HHIP: variants seen among roughly 807,000 people sequenced by gnomAD.
The protein encoded by HHIP is hedgehog-interacting protein.
In HHIP, 12 loss-of-function variants were observed where a neutral mutation model predicts 74.0. That is an observed-to-expected ratio of 0.16 (90% CI 0.10 to 0.26). The LOEUF is 0.26. HHIP is among the 10% of genes least tolerant of loss of function. The pLI is 1.00. For synonymous variants in HHIP, 309 were observed against 311.6 expected, an observed-to-expected ratio of 0.99 and a Z score of 0.09; for missense variants, 788 against 845.0, an observed-to-expected ratio of 0.93 and a Z score of 0.84.
intron 11 of HHIP, among the ~76,000 whole-genome samples, chr4:144,733,085 G>A (rs145288289): frequency 1.1e-3 from 162 of 152,264 alleles, no homozygotes; most frequent in African/African-American, 3.7e-3. Context: ...AGAAGAAGGC[G>A]AAGATTGTGT....
At chr4:144,658,514 G>T (rs113879181) in intron 2 of HHIP, among the ~76,000 whole-genome samples, 59 of 151,796 alleles carry the variant, frequency 3.9e-4, no homozygotes, top group African/African-American at 1.3e-3. Context: ...GATTATAGGC[G>T]CATGCCACCA....
intron 4 of HHIP, among the ~76,000 whole-genome samples, chr4:144,682,655 G>C (rs1729379169): frequency 6.6e-6 from 1 of 152,228 alleles, no homozygotes; most frequent in African/African-American, 2.4e-5. Context: ...TACTGCTATT[G>C]ACTATTAGTT....
chr4:144,728,939 C>A (rs776007701), intron 11 of HHIP, among the ~76,000 whole-genome samples: 1 of 151,792 alleles, frequency 6.6e-6, no homozygotes, highest in Non-Finnish European at 1.5e-5. Flanking sequence ...TGCGGTAAAT[C>A]CTTCAGAATA....
At chr4:144,650,342 G>A (rs947906055) in intron 1 of HHIP, among the ~76,000 whole-genome samples, 1 of 152,040 alleles carries the variant, frequency 6.6e-6, no homozygotes, top group Non-Finnish European at 1.5e-5. Flanking sequence ...ATAATGTTTC[G>A]AAGTTTTACG....
At chr4:144,658,514 G>A (rs113879181) in intron 2 of HHIP, among the ~76,000 whole-genome samples, 3,516 of 151,776 alleles carry the variant, frequency 0.023, 143 homozygotes, top group African/African-American at 0.079. Flanking sequence ...GATTATAGGC[G>A]CATGCCACCA....
At position 144,646,900 on chromosome 4, in the gene HHIP, G is replaced by T. The variant is rs201201764; in HGVS notation, c.225G>T (p.Arg75=). The change falls in exon 1 of 13, where the codon CGG becomes CGT. Residue 75 remains arginine (R), a synonymous_variant. Transcript: ENST00000296575. ...TGCTGTGCGGTGGCTTCTACCCTCGGCTGTCCTGCTGCCTGCGGAGTGACA... is the reference window on the plus strand; with the variant it reads ...TGCTGTGCGGTGGCTTCTACCCTCGTCTGTCCTGCTGCCTGCGGAGTGACA... ...GEMLCGGFYP[R]LSCCLRSDSP... 166 of 1,613,892 alleles carry T rather than the reference G, an allele frequency of 1.0e-4. No individual in the cohort carries two copies. In the South Asian group the frequency reaches 1.6e-3, roughly 15 times the overall value.
chr4:144,688,596 G>A (rs1212506397), intron 4 of HHIP, among the ~76,000 whole-genome samples: 2 of 152,128 alleles, frequency 1.3e-5, no homozygotes, highest in Non-Finnish European at 1.5e-5. Context: ...TTAAATAAAC[G>A]TGAGGTTCTT....
chr4:144,722,906 C>G (rs553178263), intron 11 of HHIP, among the ~76,000 whole-genome samples: 1 of 151,896 alleles, frequency 6.6e-6, no homozygotes, highest in South Asian at 2.1e-4. Flanking sequence ...ACCTTGGATG[C>G]TCTTTGCTAA....
chr4:144,699,355 T>C (rs1245523445), intron 4 of HHIP, among the ~76,000 whole-genome samples: 1 of 152,098 alleles, frequency 6.6e-6, no homozygotes, highest in Middle Eastern at 3.2e-3. Context: ...TAAAACAAGA[T>C]ATTGGAAGGG....
At chr4:144,680,368 A>G (rs1040649506) in intron 4 of HHIP, among the ~76,000 whole-genome samples, 1 of 152,186 alleles carries the variant, frequency 6.6e-6, no homozygotes, top group Non-Finnish European at 1.5e-5. Flanking sequence ...CATGCTGTTC[A>G]TTCTGCCATT....
intron 4 of HHIP, among the ~76,000 whole-genome samples, chr4:144,696,241 T>C (rs1729813903): frequency 1.3e-5 from 2 of 151,856 alleles, no homozygotes; most frequent in Admixed American, 1.3e-4. Context: ...AGTGAGTGTA[T>C]TTACACCACA....
intron 4 of HHIP, among the ~76,000 whole-genome samples, chr4:144,667,550 A>C (rs1728909911): frequency 6.6e-6 from 1 of 152,282 alleles, no homozygotes; most frequent in South Asian, 2.1e-4. Context: ...GAGAAAAACA[A>C]CACCTTTTGA....
At chr4:144,709,467 A>C (rs1185991048) in intron 7 of HHIP, among the ~76,000 whole-genome samples, 1 of 152,174 alleles carries the variant, frequency 6.6e-6, no homozygotes, top group Non-Finnish European at 1.5e-5. Context: ...AAAACATGGG[A>C]TGAGGTGCTT....
rs4030000 is a variant in HHIP, at chr4:144,712,885, G to GGT, written c.1423+836_1423+837dup. On this transcript the variant is annotated intron_variant, in intron 8 of 12. Transcript: ENST00000296575. ...ATTCAGTTATTTTACTTTTTTTTCA[G>GGT]GTGTGTGTGTGTGTGTGTGTGTGCA... is the stretch of plus-strand genomic sequence containing the variant. Among the ~76,000 whole-genome samples the GGT allele has an allele frequency of 7.6e-3, 1,089 of 143,918 alleles. 8 individuals are homozygous for GGT. The highest frequency in any genetic ancestry group is 0.019 in the African/African-American group (752 of 38,986). The allele number at this position is 143,918 out of a possible 152,430, so 94.4% of individuals were successfully genotyped here. A position where few individuals can be genotyped will look rare whatever the true frequency, so the allele number is the denominator to read the frequency against.
intron 2 of HHIP, among the ~76,000 whole-genome samples, chr4:144,656,847 C>T (rs1435349248): frequency 6.6e-6 from 1 of 151,828 alleles, no homozygotes; most frequent in Non-Finnish European, 1.5e-5. Flanking sequence ...CACTATTAGG[C>T]AGTTTTCATG....
intron 4 of HHIP, among the ~76,000 whole-genome samples, chr4:144,681,421 CTTTTTTTTTTTTT>C (rs139951678): frequency 2.0e-5 from 2 of 101,418 alleles, no homozygotes; most frequent in South Asian, 4.0e-4. Flanking sequence ...TTGCAGAGTT[CTTTTTTTTTTTTT>C]TTTTTTTTTG....
chr4:144,723,793 A>G (rs1209666655), intron 11 of HHIP, among the ~76,000 whole-genome samples: 2 of 152,236 alleles, frequency 1.3e-5, no homozygotes, highest in South Asian at 2.1e-4. Flanking sequence ...AGAATTTCTT[A>G]ACACTAGAGG....
intron 4 of HHIP, among the ~76,000 whole-genome samples, chr4:144,705,006 CT>C (rs1490234738): frequency 6.6e-6 from 1 of 152,036 alleles, no homozygotes; most frequent in Non-Finnish European, 1.5e-5. Context: ...AGAGTTTTAC[CT>C]TTATGATTAA....
At chr4:144,734,987 T>A in intron 12 of HHIP, 98 bp downstream of exon 12, 1 of 1,163,570 alleles carries the variant, frequency 8.6e-7, no homozygotes, top group South Asian at 1.9e-5. Context: ...AATAATATAG[T>A]GTTCAAAAGT....
Sources: allele counts gnomAD v4.1 joint callset (sites outside exome capture counted in the v4.1 genomes callset), GRCh38; gene constraint gnomAD v4.1.1; transcripts MANE v1.5; gene names NCBI Gene and HGNC (gene_info 2026-07-23, HGNC 2026-07-21).